The following AMPH variants were observed in gnomAD, a reference collection of about 807,000 sequenced individuals.
The protein encoded by AMPH is amphiphysin, also known as amphiphysin (Stiff-Mann syndrome with breast cancer 128kD autoantigen).
Under a neutral mutation model 99.1 loss-of-function variants are expected in AMPH, and 49 were observed. The ratio of observed to expected loss-of-function variants is 0.49; its 90% CI spans 0.39 to 0.63. The LOEUF (loss-of-function observed/expected upper bound fraction) is 0.63. Ranked by LOEUF, AMPH falls within the 20% of genes least tolerant of loss-of-function variation. The probability of loss-of-function intolerance (pLI) is 0.00; values close to 1 mark genes in which losing one functional copy is unlikely to be tolerated. For missense variants in AMPH, 759 were observed against 863.4 expected (o/e 0.88, Z 1.52); for synonymous variants, 314 against 317.3 (o/e 0.99, Z 0.11).
chr7:38,617,091 A>G (rs1257239649), intron 1 of AMPH, among the ~76,000 whole-genome samples: 2 of 152,266 alleles, frequency 1.3e-5, no homozygotes, highest in Non-Finnish European at 2.9e-5. Context: ...GCTACTTACT[A>G]CATGTATTTC....
chr7:38,447,679 CA>C (rs200940573), intron 11 of AMPH, among the ~76,000 whole-genome samples: 3,070 of 151,710 alleles, frequency 0.02, 47 homozygotes, highest in Non-Finnish European at 0.031. Flanking sequence ...GTAAACACCT[CA>C]AAAAAACCAC....
At position 38,534,951 on chromosome 7, in the gene AMPH, G is replaced by A. The variant is rs1790542704; in HGVS notation, c.130C>T (p.Gln44Ter). Residue 44 changes from glutamine (Q) to a stop codon, truncating the protein, a stop_gained, in exon 2 of 21, where the codon CAG (glutamine) becomes TAG (stop). Transcript: ENST00000356264. LOFTEE classifies it high-confidence loss of function. ...CTCACTTCTTGCCGTTTGAAGTTCT[G>A]GACATATTCTTCGAACTGTTCGTCT... Reference protein sequence around the residue: ...TKDEQFEEYVQNFKRQEAEGT... With the variant: ...TKDEQFEEYV 2 of 1,613,932 alleles carry A rather than the reference G, an allele frequency of 1.2e-6. No individual in the cohort carries two copies. The highest frequency in any genetic ancestry group is 1.7e-6 in the Non-Finnish European group (2 of 1,179,922).
In AMPH at chr7:38,461,452, A is replaced by C. The variant is rs757577337; in HGVS notation, c.889-41T>G. 1.9e-6 allele frequency: 3 copies of C among 1,612,778 alleles called. No individual in the cohort carries two copies. In the Admixed American group the frequency reaches 5.0e-5, roughly 27 times the overall value. On this transcript the variant is annotated intron_variant, in intron 10 of 20. Transcript: ENST00000356264. Reference sequence around the variant, plus strand: ...TACAAACATTAATCCAGCCAAAGACAATGTGTCAGACACGAAGAAAGGTCA... The same window carrying C: ...TACAAACATTAATCCAGCCAAAGACCATGTGTCAGACACGAAGAAAGGTCA...
intron 17 of AMPH, among the ~76,000 whole-genome samples, chr7:38,396,722 A>G (rs1483569825): frequency 6.6e-6 from 1 of 152,200 alleles, no homozygotes; most frequent in Admixed American, 6.5e-5. Flanking sequence ...ATAAGCACCG[A>G]CCTTTTTATG....
chr7:38,498,749 G>A (rs989007223), intron 3 of AMPH, among the ~76,000 whole-genome samples: 6 of 152,176 alleles, frequency 3.9e-5, no homozygotes, highest in Non-Finnish European at 8.8e-5. Context: ...ATCATGGGAC[G>A]TTTTCCCTTG....
intron 1 of AMPH, among the ~76,000 whole-genome samples, chr7:38,572,446 G>A (rs534396631): frequency 1.1e-4 from 17 of 152,250 alleles, no homozygotes; most frequent in African/African-American, 4.1e-4. Context: ...ATTGCCTAAC[G>A]ATTTCTCCTC....
intron 7 of AMPH, among the ~76,000 whole-genome samples, chr7:38,467,883 C>A (rs1429900852): frequency 6.6e-6 from 1 of 152,070 alleles, no homozygotes; most frequent in African/African-American, 2.4e-5. Context: ...CAAACTTGGG[C>A]TGCAGAAAGA....
intron 2 of AMPH, among the ~76,000 whole-genome samples, chr7:38,516,231 C>T (rs1417490926): frequency 6.6e-6 from 1 of 152,088 alleles, no homozygotes; most frequent in African/African-American, 2.4e-5. Context: ...TTTTCAGAGA[C>T]CTTCTTGGCA....
chr7:38,391,661 T>C, intron 19 of AMPH, 87 bp downstream of exon 19: 5 of 1,410,328 alleles, frequency 3.5e-6, no homozygotes, highest in South Asian at 1.4e-5. Context: ...TTGCAAAAAG[T>C]AAAAGTAAAA....
At chr7:38,597,338 A>G in intron 1 of AMPH, among the ~76,000 whole-genome samples, 1 of 152,086 alleles carries the variant, frequency 6.6e-6, no homozygotes, top group South Asian at 2.1e-4. Context: ...CCTCTACTGA[A>G]TATTTGCCCC....
At chr7:38,539,917 C>A (rs569032760) in intron 1 of AMPH, among the ~76,000 whole-genome samples, 5 of 152,290 alleles carry the variant, frequency 3.3e-5, no homozygotes, top group South Asian at 2.1e-4. Flanking sequence ...GACAGTGAAA[C>A]CTAGAACTGA....
At chr7:38,587,084 A>G (rs965862090) in intron 1 of AMPH, among the ~76,000 whole-genome samples, 1 of 152,170 alleles carries the variant, frequency 6.6e-6, no homozygotes, top group African/African-American at 2.4e-5. Context: ...TAATGAATAA[A>G]ATGACCAGTA....
intron 5 of AMPH, among the ~76,000 whole-genome samples, chr7:38,485,217 T>C (rs1329203526): frequency 2.6e-5 from 4 of 151,950 alleles, no homozygotes; most frequent in Non-Finnish European, 2.9e-5. Context: ...GATCCAACTA[T>C]TTATTGTCTA....
intron 1 of AMPH, among the ~76,000 whole-genome samples, chr7:38,559,880 C>T (rs1009924890): frequency 6.6e-6 from 1 of 152,160 alleles, no homozygotes; most frequent in Non-Finnish European, 1.5e-5. Context: ...GCAGCTGACA[C>T]CTATGGCGCC....
At chr7:38,544,474 C>G (rs1197486121) in intron 1 of AMPH, among the ~76,000 whole-genome samples, 1 of 152,102 alleles carries the variant, frequency 6.6e-6, no homozygotes, top group Non-Finnish European at 1.5e-5. Context: ...TGAACAGATC[C>G]CAAGATGTCC....
chr7:38,478,511 A>T (rs1788169641), intron 5 of AMPH, among the ~76,000 whole-genome samples: 1 of 152,172 alleles, frequency 6.6e-6, no homozygotes, highest in African/African-American at 2.4e-5. Flanking sequence ...CATAAATATT[A>T]TTTCAGTACT....
intron 19 of AMPH, among the ~76,000 whole-genome samples, chr7:38,390,961 CAGAGAG>C (rs199667568): frequency 0.032 from 4,143 of 128,706 alleles, 84 homozygotes; most frequent in African/African-American, 0.072. Context: ...GAGACAAAGA[CAGAGAG>C]AGAGAGAGAG....
chr7:38,524,352 A>T (rs1156412458), intron 2 of AMPH, among the ~76,000 whole-genome samples: 3 of 152,236 alleles, frequency 2.0e-5, no homozygotes, highest in Non-Finnish European at 4.4e-5. Context: ...CCTGGATTGG[A>T]TACAGGCCCT....
chr7:38,472,671 T>C (rs1188367976), intron 7 of AMPH, among the ~76,000 whole-genome samples: 1 of 152,176 alleles, frequency 6.6e-6, no homozygotes, highest in East Asian at 1.9e-4. Context: ...ATATGCTACA[T>C]AGAAAGGAAG....
Sources: allele counts gnomAD v4.1 joint callset (sites outside exome capture counted in the v4.1 genomes callset), GRCh38; gene constraint gnomAD v4.1.1; transcripts MANE v1.5; gene names NCBI Gene and HGNC (gene_info 2026-07-23, HGNC 2026-07-21).